The following GNG4 variants were observed in gnomAD, a reference collection of about 807,000 sequenced individuals.
GNG4 encodes G protein subunit gamma 4.
In GNG4, 4 loss-of-function variants were observed where a neutral mutation model predicts 5.8. That is an observed-to-expected ratio of 0.69 (90% CI 0.34 to 1.57). GNG4 has a LOEUF of 1.57. GNG4 is among the 40% of genes most tolerant of loss of function. The pLI, the probability that GNG4 is intolerant of heterozygous loss-of-function variation, is 0.06. For synonymous variants in GNG4, 29 were observed against 32.9 expected (o/e 0.88, Z 0.41); for missense variants, 96 against 95.1 (o/e 1.01, Z -0.04).
At chr1:235,574,597 A>G (rs1273257617) in intron 3 of GNG4, among the ~76,000 whole-genome samples, 1 of 152,190 alleles carries the variant, frequency 6.6e-6, no homozygotes, top group Admixed American at 6.5e-5. Flanking sequence ...TAAATTATCA[A>G]CGGAATAAAG....
chr1:235,583,277 C>T (rs759170268), intron 3 of GNG4, among the ~76,000 whole-genome samples: 12 of 152,308 alleles, frequency 7.9e-5, no homozygotes, highest in East Asian at 3.9e-4. Context: ...ATGAATACAA[C>T]GGGAGGTGTC....
intron 1 of GNG4, among the ~76,000 whole-genome samples, chr1:235,599,603 A>G (rs1688209021): frequency 6.6e-6 from 1 of 152,166 alleles, no homozygotes; most frequent in African/African-American, 2.4e-5. Flanking sequence ...TGTGTGAGGC[A>G]TTGCACCCAG....
chr1:235,588,430 C>T (rs1687879373), intron 2 of GNG4, among the ~76,000 whole-genome samples: 1 of 152,122 alleles, frequency 6.6e-6, no homozygotes, highest in South Asian at 2.1e-4. Flanking sequence ...TCCTCCTCCC[C>T]TGGCTCCATA....
chr1:235,552,332 G>T, intron 3 of GNG4, 95 bp from the exon 4 acceptor site: 1 of 1,142,810 alleles, frequency 8.8e-7, no homozygotes, highest in South Asian at 1.3e-5. Flanking sequence ...ACAAGCCCTA[G>T]GGTAGGCTGT....
chr1:235,581,729 C>T (rs1687641713), intron 3 of GNG4, among the ~76,000 whole-genome samples: 1 of 152,080 alleles, frequency 6.6e-6, no homozygotes, highest in Non-Finnish European at 1.5e-5. Context: ...TTATAAATGA[C>T]CCAGTCCCAG....
At chr1:235,589,156 G>C (rs183304640) in intron 2 of GNG4, among the ~76,000 whole-genome samples, 1 of 152,308 alleles carries the variant, frequency 6.6e-6, no homozygotes, top group Admixed American at 6.5e-5. Context: ...CCATAACATC[G>C]GAAGGCTCAT....
At chr1:235,637,057 CAAAA>C (rs61512163) in intron 1 of GNG4, among the ~76,000 whole-genome samples, 4 of 134,434 alleles carry the variant, frequency 3.0e-5, no homozygotes, top group Non-Finnish European at 3.2e-5. Context: ...GACTCCGTCT[CAAAA>C]AAAAAAAAAA....
In GNG4 at chr1:235,641,356, C is replaced by T. The variant is rs751388467; in HGVS notation, c.-123+8306G>A. 4.0e-4 allele frequency among the ~76,000 whole-genome samples: 61 copies of T among 152,082 alleles called. 1 individual carries two copies. The highest frequency in any genetic ancestry group is 2.9e-3 in the Admixed American group (44 of 15,276). On this transcript the variant is annotated intron_variant, in intron 1 of 3. Coordinates refer to ENST00000391854, the MANE Select transcript of GNG4 (RefSeq NM_001098722.2). ...AATGAAATACCATCACATCACTGCA[C>T]ACCAGCCTGGGCAACAGAGCAAGAC...
intron 1 of GNG4, among the ~76,000 whole-genome samples, chr1:235,597,616 G>GTATTTT (rs1688155336): frequency 9.7e-6 from 1 of 103,616 alleles, no homozygotes; most frequent in African/African-American, 3.6e-5. Flanking sequence ...GTGTGTGTGT[G>GTATTTT]TGTGTGTGTG....
intron 1 of GNG4, among the ~76,000 whole-genome samples, chr1:235,624,734 A>AT (rs1260033474): frequency 3.9e-5 from 6 of 152,000 alleles, no homozygotes; most frequent in East Asian, 1.9e-4. Context: ...TTCCTATGAG[A>AT]TTTTTTTAGC....
chr1:235,552,188 C>T lies in GNG4; in HGVS notation c.149G>A (p.Arg50Gln), dbSNP rs139801798. 1,028 of 1,613,724 alleles carry T rather than the reference C, an allele frequency of 6.4e-4. 2 individuals carry two copies. The highest frequency in any genetic ancestry group is 8.1e-4 in the Non-Finnish European group (952 of 1,179,634). The change falls in exon 4 of 4, where the codon CGG becomes CAG. Residue 50 changes from arginine to glutamine, a missense_variant. By Grantham distance (43) the Arg-to-Gln change is conservative. Coordinates refer to ENST00000391854, the MANE Select transcript of GNG4 (RefSeq NM_001098722.2). ...CACTGGAATGATGAGAGGATCTTCC[C>T]GCACGTGAGCTTCACAGTAGGCCAG... Reference protein sequence around the residue: ...DLLAYCEAHVREDPLIIPVPA... With the variant: ...DLLAYCEAHVQEDPLIIPVPA...
At chr1:235,631,143 C>T (rs1316924137) in intron 1 of GNG4, among the ~76,000 whole-genome samples, 1 of 152,180 alleles carries the variant, frequency 6.6e-6, no homozygotes, top group African/African-American at 2.4e-5. Context: ...AGGTGATCCG[C>T]CCTCCTCGGC....
chr1:235,578,787 G>T (rs1687546966), intron 3 of GNG4, among the ~76,000 whole-genome samples: 1 of 152,046 alleles, frequency 6.6e-6, no homozygotes, highest in Admixed American at 6.6e-5. Context: ...AGATTAGAGA[G>T]ATGTTGGTCA....
At chr1:235,598,732 A>ATTT (rs34577116) in intron 1 of GNG4, among the ~76,000 whole-genome samples, 3,811 of 146,572 alleles carry the variant, frequency 0.026, 154 homozygotes, top group African/African-American at 0.085. Context: ...TTCCCAGGTG[A>ATTT]TTTTTTTTTT....
rs184226361 is a variant in GNG4, at chr1:235,597,368, G to C, written c.-122-1857C>G. Among the ~76,000 whole-genome samples, 5 of 151,860 alleles carry C rather than the reference G, an allele frequency of 3.3e-5. No homozygotes were observed. In the East Asian group the frequency reaches 7.7e-4, roughly 24 times the overall value. On this transcript the variant is annotated intron_variant, in intron 1 of 3. Coordinates refer to ENST00000391854, the MANE Select transcript of GNG4 (RefSeq NM_001098722.2). ...GTGCTTGGTGCATTTTTCTCAGCCT[G>C]TGCTATGGTCAGAATGTTTATGTCC... is the stretch of plus-strand genomic sequence containing the variant.
chr1:235,591,800 A>G (rs749908089), intron 2 of GNG4, among the ~76,000 whole-genome samples: 3 of 152,218 alleles, frequency 2.0e-5, no homozygotes, highest in African/African-American at 4.8e-5. Flanking sequence ...ACGTGCTCAC[A>G]CAGCTCTTTC....
At chr1:235,553,099 A>G (rs1026824533) in intron 3 of GNG4, among the ~76,000 whole-genome samples, 2 of 152,130 alleles carry the variant, frequency 1.3e-5, no homozygotes, top group African/African-American at 4.8e-5. Context: ...TTCCCTGCGG[A>G]GAGAGGTGCT....
intron 1 of GNG4, among the ~76,000 whole-genome samples, chr1:235,608,675 TTTTTA>T (rs1232630874): frequency 7.5e-6 from 1 of 133,402 alleles, no homozygotes; most frequent in East Asian, 2.2e-4. Context: ...TTTACTTAGT[TTTTTA>T]TTTTTTATTT....
At position 235,601,255 on chromosome 1, in the gene GNG4, A is replaced by G. The variant is rs551301513; in HGVS notation, c.-122-5744T>C. On this transcript the variant is annotated intron_variant, in intron 1 of 3. Transcript: ENST00000391854. ...GCAATGGATGAAAGATGTGGCTACT[A>G]GAATTAATTAAATCATCTAAAAGAG... Among the ~76,000 whole-genome samples the G allele has an allele frequency of 2.6e-4, 39 of 152,338 alleles. No homozygotes were observed. The South Asian group carries it at 7.7e-3, about 30-fold the overall frequency.
Sources: gnomAD v4.1 joint callset for allele counts (sites outside exome capture counted in the v4.1 genomes callset) on GRCh38, gnomAD v4.1.1 for gene constraint, MANE v1.5 for transcripts, NCBI Gene and HGNC (gene_info 2026-07-23, HGNC 2026-07-21) for gene names.